Variants in NACC2 observed in about 807,000 individuals in gnomAD.
NACC2 encodes the protein NACC family member 2, also known as nucleus accumbens-associated protein 2.
Under a neutral mutation model 25.1 loss-of-function variants are expected in NACC2, and 8 were observed. That is an observed-to-expected ratio of 0.32 (90% CI 0.19 to 0.57). NACC2 has a LOEUF of 0.57. NACC2 is among the 20% of genes least tolerant of loss of function. The pLI is 0.89. For missense variants in NACC2, 644 were observed against 650.2 expected, an observed-to-expected ratio of 0.99 and a Z score of 0.10; for synonymous variants, 435 against 294.7, an observed-to-expected ratio of 1.48 and a Z score of -4.88.
chr9:136,085,295 G>A (rs1830367496), intron 1 of NACC2, among the ~76,000 whole-genome samples: 1 of 151,418 alleles, frequency 6.6e-6, no homozygotes, highest in Non-Finnish European at 1.5e-5. Flanking sequence ...GATTACAGGT[G>A]TGAACCACTG....
chr9:136,014,885 G>T (rs1008748437), intron 3 of NACC2, among the ~76,000 whole-genome samples: 1 of 152,178 alleles, frequency 6.6e-6, no homozygotes, highest in South Asian at 2.1e-4. Context: ...CTGGGTGAGC[G>T]AGGGCATGGA....
rs377184452 is a variant in NACC2 at position 136,012,043 on chromosome 9, G to A, written c.1256-19C>T. 1.4e-5 allele frequency: 21 copies of A among 1,510,920 alleles called. No homozygotes were observed. In the East Asian group the frequency reaches 2.2e-4, roughly 16 times the overall value. 93.6% of individuals were successfully genotyped at this position (1,510,920 alleles called of 1,614,324 possible). A position where few individuals can be genotyped will look rare whatever the true frequency, so the allele number is the denominator to read the frequency against. Reference sequence around the variant, plus strand: ...CAGTACACTGTGAGGACGGGGCGGCGTGAGCTCAGCCACCTGCCTGCCGGG... The same window carrying A: ...CAGTACACTGTGAGGACGGGGCGGCATGAGCTCAGCCACCTGCCTGCCGGG... On this transcript the variant is annotated intron_variant, in intron 5 of 5. Transcript: ENST00000277554.
Position 136,045,598 on chromosome 9 carries a change from T to C in NACC2, c.886+4038A>G, listed in dbSNP as rs2131158285. Among the ~76,000 whole-genome samples the C allele has an allele frequency of 2.6e-5, 4 of 152,164 alleles. No homozygotes were observed. The South Asian group carries it at 8.3e-4, about 32-fold the overall frequency. On this transcript the variant is annotated intron_variant, in intron 2 of 5. Transcript: ENST00000277554. ...GTGGGCGCAGGTCCGGGCAGCCCCCTCCCCTTCAGAGGACAGGAGAGAAGC... is the reference window on the plus strand; with the variant it reads ...GTGGGCGCAGGTCCGGGCAGCCCCCCCCCCTTCAGAGGACAGGAGAGAAGC...
rs771951421 is a variant in NACC2, at chr9:136,020,146, C to T, written c.887-3717G>A. The stretch of plus-strand genomic sequence containing the variant: ...ACGCACGTAAAAGTCACTGCAACGG[C>T]CCCTCTCACGTCCACTTTACCACAA... On this transcript the variant is annotated intron_variant, in intron 2 of 5. Coordinates refer to ENST00000277554, the MANE Select transcript of NACC2 (RefSeq NM_144653.5). This position sits in a 1 kb window ranked among gnomAD's most constrained non-coding sequence, Gnocchi z 4.7. Among the ~76,000 whole-genome samples the T allele has an allele frequency of 1.3e-5, 2 of 152,162 alleles. No homozygotes were observed. The highest frequency in any genetic ancestry group is 2.9e-5 in the Non-Finnish European group (2 of 68,020).
Position 136,013,434 on chromosome 9 carries a change from A to AGCCG in NACC2, c.1158-142_1158-139dup. ...GGTCTGCGTGTGTCCCAGTGGCAGG[A>AGCCG]GCCGGCCCAGCCACCCTCTAAGGGA... On this transcript the variant is annotated intron_variant, in intron 4 of 5. Coordinates refer to ENST00000277554, the MANE Select transcript of NACC2 (RefSeq NM_144653.5). The surrounding 1 kb of genome is among the most constrained non-coding windows in gnomAD (Gnocchi z 6.6). The AGCCG allele has an allele frequency of 1.5e-6, 1 of 680,516 alleles. No homozygotes were observed. The highest frequency in any genetic ancestry group is 1.8e-5 in the South Asian group (1 of 54,668). The allele number at this position is 680,516 out of a possible 1,614,324, so 42.2% of individuals were successfully genotyped here. A position where few individuals can be genotyped will look rare whatever the true frequency, so the allele number is the denominator to read the frequency against.
rs76807903 is a variant in NACC2, at chr9:136,080,207, C to T, written c.-60+14982G>A. Among the ~76,000 whole-genome samples, 70 of 152,316 alleles carry T rather than the reference C, an allele frequency of 4.6e-4. No individual in the cohort carries two copies. The East Asian group carries it at 0.013, about 29-fold the overall frequency. ...AGCCACGCCACACCAGGGATGGTGC[C>T]AGAGCGGTACTGCACCCCCAGCCTG... On this transcript the variant is annotated intron_variant, in intron 1 of 5. Transcript: ENST00000277554.
intron 1 of NACC2, among the ~76,000 whole-genome samples, chr9:136,051,434 C>A (rs1840834157): frequency 6.6e-6 from 1 of 152,176 alleles, no homozygotes; most frequent in South Asian, 2.1e-4. Flanking sequence ...CTACAGGGGT[C>A]CCAGCCCTCG....
intron 1 of NACC2, among the ~76,000 whole-genome samples, chr9:136,094,240 C>T (rs987404191): frequency 1.3e-5 from 2 of 152,200 alleles, no homozygotes; most frequent in Admixed American, 1.3e-4. Context: ...CCGGAGGCCC[C>T]GCGCGGGGGT....
intron 1 of NACC2, among the ~76,000 whole-genome samples, chr9:136,080,018 G>A (rs1830305085): frequency 6.6e-6 from 1 of 152,202 alleles, no homozygotes; most frequent in Non-Finnish European, 1.5e-5. Context: ...CCAGGCCTGG[G>A]GCTGACCTGA....
intron 2 of NACC2, among the ~76,000 whole-genome samples, chr9:136,046,950 G>C (rs968921785): frequency 1.3e-5 from 2 of 152,174 alleles, no homozygotes; most frequent in Non-Finnish European, 2.9e-5. Flanking sequence ...TTCTTAACGC[G>C]AGAGAGGGTG....
chr9:136,062,859 G>C (rs1249739822), intron 1 of NACC2, among the ~76,000 whole-genome samples: 2 of 152,352 alleles, frequency 1.3e-5, no homozygotes, highest in East Asian at 3.9e-4. Context: ...CGAGGCCGCA[G>C]TGTGCCGTGA....
intron 1 of NACC2, among the ~76,000 whole-genome samples, chr9:136,091,674 A>C (rs1354239253): frequency 6.6e-6 from 1 of 152,132 alleles, no homozygotes; most frequent in Non-Finnish European, 1.5e-5. Flanking sequence ...CAAACCGTAA[A>C]CAGCAAACGC....
At position 136,055,802 on chromosome 9, in the gene NACC2, C is replaced by A. The variant is rs1370437606; in HGVS notation, c.-59-5222G>T. ...CTGCGGAGGGGAGAGTCCCTCTACCCCGAGCCCCGGCCCCTGGTGGAGACT... is the reference window on the plus strand; with the variant it reads ...CTGCGGAGGGGAGAGTCCCTCTACCACGAGCCCCGGCCCCTGGTGGAGACT... On this transcript the variant is annotated intron_variant, in intron 1 of 5. Coordinates refer to ENST00000277554, the MANE Select transcript of NACC2 (RefSeq NM_144653.5). This position sits in a 1 kb window ranked among gnomAD's most constrained non-coding sequence, Gnocchi z 4.9. 6.6e-6 allele frequency among the ~76,000 whole-genome samples: 1 copy of A among 152,158 alleles called. No homozygotes were observed. Among genetic ancestry groups the A allele is most frequent in the African/African-American group, 2.4e-5 (1 of 41,414 alleles).
chr9:136,082,577 A>C (rs1789480473), intron 1 of NACC2, among the ~76,000 whole-genome samples: 1 of 152,204 alleles, frequency 6.6e-6, no homozygotes, highest in African/African-American at 2.4e-5. Context: ...AAACAAAACC[A>C]GGTAGAGCCG....
chr9:136,082,995 A>C (rs1157080666), intron 1 of NACC2, among the ~76,000 whole-genome samples: 1 of 152,194 alleles, frequency 6.6e-6, no homozygotes, highest in Admixed American at 6.5e-5. Flanking sequence ...TACGGCTGTC[A>C]TAACTTCTGC....
Position 136,086,578 on chromosome 9 carries a change from C to T in NACC2, c.-60+8611G>A, listed in dbSNP as rs1830380813. Among the ~76,000 whole-genome samples, 1 of 152,224 alleles carries T rather than the reference C, an allele frequency of 6.6e-6. No homozygotes were observed. Among genetic ancestry groups the T allele is most frequent in the African/African-American group, 2.4e-5 (1 of 41,460 alleles). ...ACCCCGGGCTCCACTGTGACCCACA[C>T]GCTGTCATTTCCAGGCCACTTCCTA... is the stretch of plus-strand genomic sequence containing the variant. On this transcript the variant is annotated intron_variant, in intron 1 of 5. Transcript: ENST00000277554. The surrounding 1 kb of genome is among the most constrained non-coding windows in gnomAD (Gnocchi z 5.6).
chr9:136,075,525 C>T (rs1033900939), intron 1 of NACC2, among the ~76,000 whole-genome samples: 5 of 152,242 alleles, frequency 3.3e-5, no homozygotes, highest in South Asian at 4.1e-4. Flanking sequence ...AAACAGATCG[C>T]GCAGCTGGGG....
intron 1 of NACC2, among the ~76,000 whole-genome samples, chr9:136,062,167 C>CAGGAA (rs1564235417): frequency 6.4e-5 from 7 of 109,416 alleles, no homozygotes; most frequent in Non-Finnish European, 1.2e-4. Flanking sequence ...CAGGACAGGA[C>CAGGAA]AGGACAGGAA....
Position 136,049,820 on chromosome 9 carries a change from G to A in NACC2, c.702C>T (p.Pro234=), listed in dbSNP as rs1248503059. 7 of 733,828 alleles carry A rather than the reference G, an allele frequency of 9.5e-6. No individual in the cohort carries two copies. Among genetic ancestry groups the A allele is most frequent in the East Asian group, 7.6e-5 (3 of 39,492 alleles). The allele number at this position is 733,828 out of a possible 1,614,324, so 45.5% of individuals were successfully genotyped here. A position where few individuals can be genotyped will look rare whatever the true frequency, so the allele number is the denominator to read the frequency against. The change falls in exon 2 of 6, where the codon CCC becomes CCT. Residue 234 remains proline (P), a synonymous_variant. Coordinates refer to ENST00000277554, the MANE Select transcript of NACC2 (RefSeq NM_144653.5). ...YGVPSLATLI[P]GIQQMPYPQG... ...GGGGGTAGGGCATCTGCTGGATGCC[G>A]GGGATGAGGGTGGCCAGGCTGGGCA...
Sources: gnomAD v4.1 joint callset for allele counts (sites outside exome capture counted in the v4.1 genomes callset) on GRCh38, gnomAD v4.1.1 for gene constraint, Gnocchi (gnomAD v3.1) non-coding constraint, MANE v1.5 for transcripts, NCBI Gene and HGNC (gene_info 2026-07-23, HGNC 2026-07-21) for gene names.